Variants in SLC1A4 observed in about 807,000 individuals in gnomAD.
SLC1A4 encodes the protein neutral amino acid transporter A.
SLC1A4 carries 19 observed loss-of-function variants against 37.7 expected under a neutral mutation model. The observed-to-expected ratio is 0.50, with a 90% CI of 0.35 to 0.74. SLC1A4 has a LOEUF of 0.74. Ranked by LOEUF, SLC1A4 falls within the 30% of genes least tolerant of loss-of-function variation. The probability of loss-of-function intolerance (pLI) is 0.01; values close to 1 mark genes in which losing one functional copy is unlikely to be tolerated. For synonymous variants in SLC1A4, 299 were observed against 309.8 expected, an observed-to-expected ratio of 0.97 and a Z score of 0.37; for missense variants, 570 against 712.9, an observed-to-expected ratio of 0.80 and a Z score of 2.28.
At chr2:65,019,795 G>A (rs775781779) in intron 7 of SLC1A4, among the ~76,000 whole-genome samples, 2 of 152,212 alleles carry the variant, frequency 1.3e-5, no homozygotes, top group African/African-American at 4.8e-5. Flanking sequence ...CCTCCTGTGC[G>A]TGGAGAAGAG....
At chr2:64,997,983 T>C (rs1271894626) in intron 1 of SLC1A4, among the ~76,000 whole-genome samples, 5 of 152,160 alleles carry the variant, frequency 3.3e-5, no homozygotes, top group Admixed American at 1.3e-4. Flanking sequence ...CCTGTAATCC[T>C]AGCACTTTGG....
At chr2:65,003,758 A>G (rs1042367700) in intron 2 of SLC1A4, among the ~76,000 whole-genome samples, 195 bp from the exon 3 acceptor site, 1 of 152,214 alleles carries the variant, frequency 6.6e-6, no homozygotes, top group Non-Finnish European at 1.5e-5. Context: ...CTCTTGAAGT[A>G]TCTGCTGACT....
chr2:65,016,772 A>T, intron 5 of SLC1A4, 99 bp downstream of exon 5: 1 of 777,638 alleles, frequency 1.3e-6, no homozygotes, highest in Non-Finnish European at 2.2e-6. Context: ...GACATACTTT[A>T]ATTCCTGGAA....
intron 4 of SLC1A4, among the ~76,000 whole-genome samples, chr2:65,012,299 C>A (rs1414101629): frequency 2.0e-5 from 3 of 151,958 alleles, no homozygotes; most frequent in Non-Finnish European, 4.4e-5. Flanking sequence ...CCGTGTTAGC[C>A]ACGATGGTCT....
At chr2:65,005,566 A>T (rs1265682684) in intron 3 of SLC1A4, among the ~76,000 whole-genome samples, 1 of 152,174 alleles carries the variant, frequency 6.6e-6, no homozygotes, top group African/African-American at 2.4e-5. Flanking sequence ...CCCTCTTGGC[A>T]CAGACACTTT....
rs544035301 is a variant in SLC1A4 at position 65,018,999 on chromosome 2, G to A, written c.1364+320G>A. Among the ~76,000 whole-genome samples the A allele has an allele frequency of 4.6e-5, 7 of 152,236 alleles. No homozygotes were observed. Among genetic ancestry groups the A allele is most frequent in the Non-Finnish European group, 1.0e-4 (7 of 68,042 alleles). The stretch of plus-strand genomic sequence containing the variant: ...ACGAGGGTCTATGGAGTTGCTGACT[G>A]CATAGGAGTAATAAGTCGATGGAGC... On this transcript the variant is annotated intron_variant, in intron 7 of 7. Coordinates refer to ENST00000234256, the MANE Select transcript of SLC1A4 (RefSeq NM_003038.5). This position sits in a 1 kb window ranked among gnomAD's most constrained non-coding sequence, Gnocchi z 4.3.
intron 1 of SLC1A4, chr2:65,000,070 C>G (rs1323824795): frequency 1.3e-5 from 2 of 152,164 alleles, no homozygotes; most frequent in Non-Finnish European, 2.9e-5. Flanking sequence ...GTGAGCAACC[C>G]AGCTTCTTAC....
chr2:65,018,115 A>G lies in SLC1A4; in HGVS notation c.1079A>G (p.Asn360Ser). 6.2e-7 allele frequency: 1 copy of G among 1,614,122 alleles called. No homozygotes were observed. Among genetic ancestry groups the G allele is most frequent in the Non-Finnish European group, 8.5e-7 (1 of 1,180,032 alleles). Reference sequence around the variant, plus strand: ...ATGATGAAGTGCATTGAAGAGAACAATGGTGTGGACAAGAGGATCAGCAGG... The same window carrying G: ...ATGATGAAGTGCATTGAAGAGAACAGTGGTGTGGACAAGAGGATCAGCAGG... Reference protein sequence around the residue: ...PSMMKCIEENNGVDKRISRFI... With the variant: ...PSMMKCIEENSGVDKRISRFI... The change falls in exon 6 of 8, where the codon AAT becomes AGT. Residue 360 changes from asparagine to serine, a missense_variant. Coordinates refer to ENST00000234256, the MANE Select transcript of SLC1A4 (RefSeq NM_003038.5). The surrounding 1 kb of genome is among the most constrained non-coding windows in gnomAD (Gnocchi z 4.3).
At chr2:64,997,954 G>GC (rs72538440) in intron 1 of SLC1A4, among the ~76,000 whole-genome samples, 77,192 of 151,368 alleles carry the variant, frequency 0.51, 20,794 homozygotes, top group East Asian at 0.76. Flanking sequence ...ATACAAATTG[G>GC]CAGGCGCAGT....
intron 1 of SLC1A4, 73 bp from the exon 2 acceptor site, chr2:65,001,375 C>G: frequency 2.1e-6 from 3 of 1,401,212 alleles, no homozygotes; most frequent in Non-Finnish European, 2.0e-6. Context: ...GCACTCCAGC[C>G]TGGGCAACAG....
intron 3 of SLC1A4, among the ~76,000 whole-genome samples, chr2:65,008,231 G>A (rs1047839150): frequency 1.3e-5 from 2 of 152,176 alleles, no homozygotes; most frequent in Non-Finnish European, 1.5e-5. Context: ...AATCCTAGTA[G>A]GCCAGTAGCA....
At chr2:65,001,165 A>G (rs998332443) in intron 1 of SLC1A4, 10 of 327,680 alleles carry the variant, frequency 3.1e-5, no homozygotes, top group African/African-American at 1.9e-4. Flanking sequence ...AGTGTCAGCT[A>G]GGGGTGGAGA....
At chr2:64,992,339 C>T (rs568768255) in intron 1 of SLC1A4, among the ~76,000 whole-genome samples, 71 of 152,280 alleles carry the variant, frequency 4.7e-4, no homozygotes, top group African/African-American at 1.7e-3. Context: ...AGTTTTAGAC[C>T]CAAGCCCCTT....
intron 2 of SLC1A4, among the ~76,000 whole-genome samples, chr2:65,002,998 T>C (rs1326350115): frequency 6.6e-6 from 1 of 152,208 alleles, no homozygotes; most frequent in Non-Finnish European, 1.5e-5. Context: ...TTTGTTTTGT[T>C]TTGTTTTTTG....
At chr2:65,002,843 T>C (rs955826811) in intron 2 of SLC1A4, among the ~76,000 whole-genome samples, 7 of 152,200 alleles carry the variant, frequency 4.6e-5, no homozygotes, top group African/African-American at 1.4e-4. Flanking sequence ...CCCAAAGTGC[T>C]GGGATTACAG....
chr2:64,995,849 G>A (rs1228526551), intron 1 of SLC1A4, among the ~76,000 whole-genome samples: 1 of 152,144 alleles, frequency 6.6e-6, no homozygotes, highest in Non-Finnish European at 1.5e-5. Flanking sequence ...ACAGAGAAAT[G>A]CATACCACCC....
At chr2:64,991,028 AT>A (rs1445380031) in intron 1 of SLC1A4, among the ~76,000 whole-genome samples, 7 of 152,194 alleles carry the variant, frequency 4.6e-5, no homozygotes, top group African/African-American at 1.7e-4. Flanking sequence ...GCCCGGAGGC[AT>A]TTACTGATCT....
rs569357331 is a variant in SLC1A4, at chr2:65,000,405, C to T, written c.528-1043C>T. ...ATCAATATGATGTAACTGTAATATACAAAAGGAAAATAATTATAACAAAAA... is the reference window on the plus strand; with the variant it reads ...ATCAATATGATGTAACTGTAATATATAAAAGGAAAATAATTATAACAAAAA... On this transcript the variant is annotated intron_variant, in intron 1 of 7. Coordinates refer to ENST00000234256, the MANE Select transcript of SLC1A4 (RefSeq NM_003038.5). The T allele has an allele frequency of 3.0e-4, 45 of 152,212 alleles. 1 individual carries two copies. The South Asian group carries it at 9.3e-3, about 32-fold the overall frequency. The allele number at this position is 152,212 out of a possible 1,614,324, so 9.4% of individuals were successfully genotyped here.
rs1056226167 is a variant in SLC1A4 at position 65,021,548 on chromosome 2, T to G, written c.*402T>G. On this transcript the variant is annotated 3_prime_UTR_variant, in exon 8 of 8. Transcript: ENST00000234256. ...GTGTTTTCTGAGCAAACCAAGGGGG[T>G]TTATAGTCATCTGTCGCATTGCCTC... 2.8e-5 allele frequency: 5 copies of G among 179,434 alleles called. No homozygotes were observed. The highest frequency in any genetic ancestry group is 5.8e-5 in the Non-Finnish European group (5 of 85,680). 11.1% of individuals were successfully genotyped at this position (179,434 alleles called of 1,614,324 possible).
Sources: allele counts gnomAD v4.1 joint callset (sites outside exome capture counted in the v4.1 genomes callset), GRCh38; gene constraint gnomAD v4.1.1; non-coding constraint Gnocchi (gnomAD v3.1); transcripts MANE v1.5; gene names NCBI Gene and HGNC (gene_info 2026-07-23, HGNC 2026-07-21).